The following ERG variants were observed in gnomAD, a reference collection of about 807,000 sequenced individuals.
ERG encodes the protein ETS transcription factor ERG, also known as transcriptional regulator ERG.
In ERG, 9 loss-of-function variants were observed where a neutral mutation model predicts 55.3. The ratio of observed to expected loss-of-function variants is 0.16; its 90% CI spans 0.10 to 0.28. The LOEUF (loss-of-function observed/expected upper bound fraction) is 0.28, where lower values mean the gene tolerates loss of function less well. Among genes scored for constraint, ERG ranks in the 10% least tolerant of loss-of-function variants. The pLI is 1.00. For missense variants in ERG, 434 were observed against 631.6 expected, an observed-to-expected ratio of 0.69 and a Z score of 3.35; for synonymous variants, 223 against 237.3, an observed-to-expected ratio of 0.94 and a Z score of 0.55.
chr21:38,550,343 C>G (rs1410317896), intron 2 of ERG, among the ~76,000 whole-genome samples: 2 of 152,124 alleles, frequency 1.3e-5, no homozygotes, highest in African/African-American at 2.4e-5. Flanking sequence ...TGTTCAGACA[C>G]ATAGTGTGTT....
In ERG at chr21:38,419,077, G is replaced by A. The variant is rs140241876; in HGVS notation, c.388+4333C>T. On this transcript the variant is annotated intron_variant, in intron 3 of 9. Coordinates refer to ENST00000288319, the MANE Select transcript of ERG (RefSeq NM_182918.4). ...CCCTCTTATTACAACTGGTTTCACT[G>A]AATGACACTTGGGTTTACGACAGTG... Among the ~76,000 whole-genome samples the A allele has an allele frequency of 3.8e-3, 581 of 152,278 alleles. 2 individuals carry two copies. The highest frequency in any genetic ancestry group is 0.013 in the African/African-American group (540 of 41,554).
At chr21:38,547,503 T>C (rs568651159) in intron 2 of ERG, among the ~76,000 whole-genome samples, 19 of 152,182 alleles carry the variant, frequency 1.2e-4, no homozygotes, top group Non-Finnish European at 1.8e-4. Context: ...GAGAGATTTA[T>C]TTAATGGTAA....
intron 2 of ERG, among the ~76,000 whole-genome samples, chr21:38,436,245 C>T (rs1025301417): frequency 6.6e-6 from 1 of 151,648 alleles, no homozygotes; most frequent in Non-Finnish European, 1.5e-5. Flanking sequence ...TCCTGACCCA[C>T]CTATTATTTT....
chr21:38,652,164 A>T (rs954369358), intron 1 of ERG, among the ~76,000 whole-genome samples: 1 of 152,164 alleles, frequency 6.6e-6, no homozygotes, highest in South Asian at 2.1e-4. Context: ...ACACTGTGTG[A>T]CCCACTCCCA....
At chr21:38,631,879 T>C (rs1373200666) in intron 1 of ERG, among the ~76,000 whole-genome samples, 1 of 151,982 alleles carries the variant, frequency 6.6e-6, no homozygotes, top group Non-Finnish European at 1.5e-5. Flanking sequence ...TTCTAGAGGG[T>C]GTGCTTGACT....
At chr21:38,556,572 T>C (rs950534564) in intron 2 of ERG, among the ~76,000 whole-genome samples, 1 of 152,106 alleles carries the variant, frequency 6.6e-6, no homozygotes, top group Non-Finnish European at 1.5e-5. Context: ...AGACTATATT[T>C]ACCAGCCTCC....
intron 3 of ERG, among the ~76,000 whole-genome samples, chr21:38,414,218 T>G (rs997700613): frequency 4.6e-5 from 7 of 152,254 alleles, no homozygotes; most frequent in South Asian, 2.1e-4. Flanking sequence ...TCTCCCTCTG[T>G]GTTTCCATAT....
intron 1 of ERG, among the ~76,000 whole-genome samples, chr21:38,583,263 T>G (rs780592800): frequency 4.6e-5 from 7 of 152,194 alleles, no homozygotes; most frequent in Non-Finnish European, 1.0e-4. Context: ...AGGCCTCCCT[T>G]ATGGGGCAGG....
intron 2 of ERG, 60 bp downstream of exon 2, chr21:38,445,344 C>A (rs1840518351): frequency 2.9e-6 from 4 of 1,391,450 alleles, no homozygotes; most frequent in African/African-American, 2.8e-5. Flanking sequence ...TTCCACTTTG[C>A]CTTTGCAAAG....
chr21:38,628,686 C>T (rs2060339493), intron 1 of ERG, among the ~76,000 whole-genome samples: 1 of 152,186 alleles, frequency 6.6e-6, no homozygotes, highest in African/African-American at 2.4e-5. Context: ...CACTCTCATG[C>T]CCCCACTTCT....
upstream of ERG, among the ~76,000 whole-genome samples, chr21:38,499,877 GGAAA>G (rs1230478315): frequency 1.4e-5 from 2 of 145,264 alleles, no homozygotes; most frequent in African/African-American, 5.0e-5. Flanking sequence ...AGGGAGGGAG[GGAAA>G]GAAAGAAGGA....
At chr21:38,479,318 C>T (rs2059216365) in intron 1 of ERG, among the ~76,000 whole-genome samples, 2 of 152,074 alleles carry the variant, frequency 1.3e-5, no homozygotes, top group African/African-American at 2.4e-5. Context: ...AATGGGCAAC[C>T]GTTGTTTGTT....
intron 1 of ERG, among the ~76,000 whole-genome samples, chr21:38,465,645 G>GT (rs2059081958): frequency 6.6e-6 from 1 of 152,200 alleles, no homozygotes; most frequent in Non-Finnish European, 1.5e-5. Context: ...GGCTACGCAA[G>GT]TGTAGGGGCA....
At chr21:38,523,237 T>C (rs1376645085) in intron 2 of ERG, among the ~76,000 whole-genome samples, 2 of 152,212 alleles carry the variant, frequency 1.3e-5, no homozygotes, top group Admixed American at 6.5e-5. Flanking sequence ...ATCCTGCCTG[T>C]GTTTTCTAAG....
intron 4 of ERG, among the ~76,000 whole-genome samples, chr21:38,403,228 T>G (rs1238604685): frequency 1.3e-5 from 2 of 152,174 alleles, no homozygotes; most frequent in Non-Finnish European, 2.9e-5. Flanking sequence ...CCCTTTGACA[T>G]TCCATCTTCT....
At chr21:38,564,645 A>G (rs1405327174) in intron 2 of ERG, among the ~76,000 whole-genome samples, 3 of 151,620 alleles carry the variant, frequency 2.0e-5, no homozygotes, top group African/African-American at 7.3e-5. Context: ...CAAATCACTC[A>G]TATGAAGGTC....
chr21:38,436,016 T>C (rs527396254), intron 2 of ERG, among the ~76,000 whole-genome samples: 41 of 102,416 alleles, frequency 4.0e-4, no homozygotes, highest in African/African-American at 1.5e-3. Flanking sequence ...TACTTTCTTT[T>C]TTTCTTTTTT....
At chr21:38,499,989 T>A (rs1368773439), upstream of ERG, among the ~76,000 whole-genome samples, 1 of 152,188 alleles carries the variant, frequency 6.6e-6, no homozygotes, top group Non-Finnish European at 1.5e-5. Context: ...TGATTTCCGC[T>A]CTTTTCATCT....
chr21:38,424,181 GCTCGAGCTCTCTCT>G lies in ERG; in HGVS notation c.237-634_237-621del, dbSNP rs1186289742. 1.9e-3 allele frequency among the ~76,000 whole-genome samples: 171 copies of G among 88,064 alleles called. 2 individuals are homozygous for G. The highest frequency in any genetic ancestry group is 4.9e-3 in the African/African-American group (112 of 23,066). 57.8% of individuals were successfully genotyped at this position (88,064 alleles called of 152,430 possible). The stretch of plus-strand genomic sequence containing the variant: ...CTTATTAGAAAAGAAAGAGACCAGA[GCTCGAGCTCTCTCT>G]CTCTCTCTCTCTCTCTCTCTCTCTC... On this transcript the variant is annotated intron_variant, in intron 2 of 9. Coordinates refer to ENST00000288319, the MANE Select transcript of ERG (RefSeq NM_182918.4).
Sources: gnomAD v4.1 joint callset for allele counts (sites outside exome capture counted in the v4.1 genomes callset) on GRCh38, gnomAD v4.1.1 for gene constraint, MANE v1.5 for transcripts, NCBI Gene and HGNC (gene_info 2026-07-23, HGNC 2026-07-21) for gene names.